Variants in CFAP44 observed in about 807,000 individuals in gnomAD.
CFAP44 encodes the protein cilia- and flagella-associated protein 44.
In CFAP44, 134 loss-of-function variants were observed where a neutral mutation model predicts 216.2. The observed-to-expected ratio is 0.62, with a 90% CI of 0.54 to 0.72. CFAP44 has a LOEUF of 0.72. Ranked by LOEUF, CFAP44 falls within the 30% of genes least tolerant of loss-of-function variation. CFAP44 has a pLI of 0.00. For missense variants in CFAP44, 2,035 were observed against 2,182.1 expected (o/e 0.93, Z 1.34); for synonymous variants, 700 against 727.6 (o/e 0.96, Z 0.61).
chr3:113,341,507 T>C (rs1402264921), intron 24 of CFAP44, among the ~76,000 whole-genome samples: 1 of 152,216 alleles, frequency 6.6e-6, no homozygotes, highest in Non-Finnish European at 1.5e-5. Context: ...CTATACAGTA[T>C]TATTAGCAAA....
intron 32 of CFAP44, among the ~76,000 whole-genome samples, chr3:113,302,456 G>GAAAAAAAAAAAAAAAAA (rs1949944461): frequency 1.7e-5 from 1 of 60,360 alleles, no homozygotes; most frequent in African/African-American, 9.2e-5. Flanking sequence ...ACTAGACAAA[G>GAAAAAAAAAAAAAAAAA]TAAAAAAAAA....
intron 1 of CFAP44, among the ~76,000 whole-genome samples, chr3:113,440,437 G>A (rs532079804): frequency 2.0e-5 from 3 of 152,250 alleles, no homozygotes; most frequent in Non-Finnish European, 2.9e-5. Context: ...AGAAAGCAGC[G>A]TATTTACTCT....
At chr3:113,328,438 ACAGCTTTCCCC>A (rs1472938269) in intron 26 of CFAP44, among the ~76,000 whole-genome samples, 10 of 151,498 alleles carry the variant, frequency 6.6e-5, no homozygotes, top group Non-Finnish European at 8.8e-5. Context: ...TGATTTTGGT[ACAGCTTTCCCC>A]CAGCTTTCCC....
intron 26 of CFAP44, among the ~76,000 whole-genome samples, 173 bp from the exon 27 acceptor site, chr3:113,327,992 A>T (rs771973113): frequency 6.6e-6 from 1 of 152,160 alleles, no homozygotes; most frequent in Non-Finnish European, 1.5e-5. Context: ...TTAAGTTTAC[A>T]TAAATTAATT....
chr3:113,416,824 A>G (rs1934660493), intron 5 of CFAP44, among the ~76,000 whole-genome samples, 197 bp from the exon 6 acceptor site: 2 of 152,176 alleles, frequency 1.3e-5, no homozygotes, highest in Admixed American at 6.5e-5. Context: ...CACATTTTAA[A>G]TTTTACTTTA....
chr3:113,440,250 C>T (rs1460207636), intron 1 of CFAP44, among the ~76,000 whole-genome samples: 2 of 152,002 alleles, frequency 1.3e-5, no homozygotes, highest in East Asian at 1.9e-4. Context: ...TTTTAGTAGA[C>T]GGGTTTCCCC....
In CFAP44 at chr3:113,409,006, CAAAAAAAA is replaced by C. The variant is rs56301009; in HGVS notation, c.890+92_890+99del. ...ATAATTCTAATGTTAACCAAAACAG[CAAAAAAAA>C]AAAAAAAAAAAAAAAGTCTCCAGCT... On this transcript the variant is annotated intron_variant, in intron 7 of 34. Transcript: ENST00000393845. 4.9e-3 allele frequency: 1,561 copies of C among 319,568 alleles called. 20 individuals are homozygous for C. Among genetic ancestry groups the C allele is most frequent in the African/African-American group, 0.047 (1,349 of 28,742 alleles). 19.8% of individuals were successfully genotyped at this position (319,568 alleles called of 1,614,324 possible).
intron 28 of CFAP44, among the ~76,000 whole-genome samples, chr3:113,322,634 G>C (rs964127200): frequency 7.9e-5 from 12 of 152,126 alleles, no homozygotes; most frequent in African/African-American, 2.9e-4. Flanking sequence ...ACCATTAGTG[G>C]GAATGTAAAT....
chr3:113,395,808 A>G lies in CFAP44; in HGVS notation c.1832T>C (p.Ile611Thr), dbSNP rs780209905. The change falls in exon 15 of 35, where the codon ATT becomes ACT. Residue 611 changes from isoleucine to threonine, a missense_variant. Physicochemically the swap from Ile to Thr is moderately conservative, Grantham distance 89. Around this residue, in one of 3 missense-constraint regions of CFAP44, gnomAD observed 1,883 missense variants for 2,023.7 expected, o/e 0.93. Transcript: ENST00000393845. ...FFEVERDYKPIGYINTPGPVC... is the reference protein window; with the variant it reads ...FFEVERDYKPTGYINTPGPVC... ...AGGTCCAGGAGTATTAATATAACCAATCGGCTTATAATCCCTTTCCACTTC... is the reference window on the plus strand; with the variant it reads ...AGGTCCAGGAGTATTAATATAACCAGTCGGCTTATAATCCCTTTCCACTTC... The G allele has an allele frequency of 3.1e-6, 5 of 1,613,952 alleles. No homozygotes were observed. Among genetic ancestry groups the G allele is most frequent in the Non-Finnish European group, 3.4e-6 (4 of 1,179,908 alleles).
intron 6 of CFAP44, among the ~76,000 whole-genome samples, chr3:113,415,085 C>T (rs774699827): frequency 3.3e-5 from 5 of 151,834 alleles, no homozygotes; most frequent in Non-Finnish European, 5.9e-5. Flanking sequence ...TCTGGTTTAG[C>T]CTTGGTAGGG....
chr3:113,405,154 T>C (rs1934243909), intron 8 of CFAP44, among the ~76,000 whole-genome samples: 1 of 152,224 alleles, frequency 6.6e-6, no homozygotes, highest in Non-Finnish European at 1.5e-5. Flanking sequence ...CCCCCTTATC[T>C]AGAGAAACTG....
intron 8 of CFAP44, 175 bp from the exon 9 acceptor site, chr3:113,404,191 C>T: frequency 1.5e-6 from 1 of 676,032 alleles, no homozygotes; most frequent in Non-Finnish European, 2.3e-6. Context: ...ACACAACTAC[C>T]AATAACATTT....
At chr3:113,311,481 C>T (rs1950037735) in intron 28 of CFAP44, among the ~76,000 whole-genome samples, 1 of 152,188 alleles carries the variant, frequency 6.6e-6, no homozygotes, top group African/African-American at 2.4e-5. Context: ...TCTCTTGCTG[C>T]CACCATGTAA....
intron 4 of CFAP44, among the ~76,000 whole-genome samples, chr3:113,424,042 T>C (rs750151318): frequency 6.6e-5 from 10 of 152,340 alleles, no homozygotes; most frequent in Non-Finnish European, 1.2e-4. Flanking sequence ...TAGTTCACCA[T>C]GTACAGAGAA....
rs148665243 is a variant in CFAP44, at chr3:113,349,238, C to T, written c.3066-4526G>A. Among the ~76,000 whole-genome samples, 77 of 152,302 alleles carry T rather than the reference C, an allele frequency of 5.1e-4. 1 individual carries two copies. Among genetic ancestry groups the T allele is most frequent in the African/African-American group, 1.6e-3 (67 of 41,560 alleles). ...GGAGGCCTTAAGAAAATATACTCCC[C>T]TGTCAGCCGACTCCCTCGAGGGTCA... On this transcript the variant is annotated intron_variant, in intron 22 of 34. Transcript: ENST00000393845.
At chr3:113,328,232 C>T (rs922860890) in intron 26 of CFAP44, among the ~76,000 whole-genome samples, 2 of 150,460 alleles carry the variant, frequency 1.3e-5, no homozygotes, top group African/African-American at 4.9e-5. Flanking sequence ...TGAAAATTTT[C>T]AAAACCACAG....
Position 113,363,517 on chromosome 3 carries a change from C to G in CFAP44, c.2731G>C (p.Glu911Gln). The change falls in exon 20 of 35, where the codon GAG (glutamate) becomes CAG (glutamine). Residue 911 changes from glutamate to glutamine, a missense_variant. Physicochemically the swap from Glu to Gln is conservative, Grantham distance 29. This residue lies in a region of CFAP44 where 1,883 missense variants were observed against 2,023.7 expected (regional missense o/e 0.93). Transcript: ENST00000393845. ...TCTTCAATGTCTTCTGGAATTGGCT[C>G]TGTTTCAATTCCAAACTATAGGAAG... ...VPSPRFGIETEPIPEDIEDPK... is the reference protein window; with the variant it reads ...VPSPRFGIETQPIPEDIEDPK... 1 of 1,610,138 alleles carries G rather than the reference C, an allele frequency of 6.2e-7. No individual in the cohort carries two copies. The highest frequency in any genetic ancestry group is 8.5e-7 in the Non-Finnish European group (1 of 1,178,306).
In CFAP44 at chr3:113,427,343, T is replaced by C. The variant is rs1473217043; in HGVS notation, c.101-4A>G. 3 of 1,582,270 alleles carry C rather than the reference T, an allele frequency of 1.9e-6. No individual in the cohort carries two copies. Among genetic ancestry groups the C allele is most frequent in the East Asian group, 4.5e-5 (2 of 44,362 alleles). ...GTGTTATCTTCTTGAACAGGAGCTA[T>C]TAAAATTTGTTTTAATAACTTCTAA... On this transcript the variant is annotated splice_polypyrimidine_tract_variant and splice_region_variant and intron_variant, in intron 2 of 34. Coordinates refer to ENST00000393845, the MANE Select transcript of CFAP44 (RefSeq NM_001164496.2).
chr3:113,295,462 A>T (rs7610423), intron 33 of CFAP44, among the ~76,000 whole-genome samples: 5,102 of 152,320 alleles, frequency 0.033, 261 homozygotes, highest in African/African-American at 0.11. Context: ...CATTCCCTTA[A>T]TAGGGACCAG....
Sources: gnomAD v4.1 joint callset for allele counts (sites outside exome capture counted in the v4.1 genomes callset) on GRCh38, gnomAD v4.1.1 for gene constraint, gnomAD v4.1.1 regional missense constraint, MANE v1.5 for transcripts, NCBI Gene and HGNC (gene_info 2026-07-23, HGNC 2026-07-21) for gene names.